The following PRR5L variants were observed in gnomAD, a reference collection of about 807,000 sequenced individuals.
PRR5L encodes proline-rich protein 5-like.
PRR5L carries 21 observed loss-of-function variants against 36.4 expected under a neutral mutation model. The ratio of observed to expected loss-of-function variants is 0.58; its 90% CI spans 0.41 to 0.83. The LOEUF is 0.83. Among genes scored for constraint, PRR5L ranks in the 40% least tolerant of loss-of-function variants. PRR5L has a pLI of 0.00. For missense variants in PRR5L, 381 were observed against 473.3 expected, an observed-to-expected ratio of 0.80 and a Z score of 1.81; for synonymous variants, 188 against 197.0, an observed-to-expected ratio of 0.95 and a Z score of 0.38.
intron 1 of PRR5L, chr11:36,393,747 A>G (rs1359663296): frequency 6.6e-6 from 1 of 152,218 alleles, no homozygotes; most frequent in African/African-American, 2.4e-5. Flanking sequence ...ATTGCATTCA[A>G]TCTGTAGACT....
intron 1 of PRR5L, among the ~76,000 whole-genome samples, chr11:36,334,234 T>C (rs1464534482): frequency 6.6e-6 from 1 of 152,210 alleles, no homozygotes; most frequent in Non-Finnish European, 1.5e-5. Flanking sequence ...GGAAATTTCA[T>C]GACTGTGGGA....
chr11:36,401,412 GA>G (rs1857793692), intron 2 of PRR5L, 127 bp downstream of exon 2: 4 of 909,156 alleles, frequency 4.4e-6, no homozygotes, highest in Non-Finnish European at 6.5e-6. Flanking sequence ...AAATAATGAC[GA>G]GAGCAAATTT....
At chr11:36,309,911 G>C (rs964558208) in intron 1 of PRR5L, among the ~76,000 whole-genome samples, 2 of 7,592 alleles carry the variant, frequency 2.6e-4, no homozygotes, top group Non-Finnish European at 1.0e-3. Flanking sequence ...TATCCCGTTA[G>C]TTATGTGGCA....
Position 36,350,944 on chromosome 11 carries a change from A to ATTTATATATT in PRR5L, c.-125-50052_-125-50051insTTATATATTT, listed in dbSNP as rs1407155161. Among the ~76,000 whole-genome samples, 32 of 57,142 alleles carry ATTTATATATT rather than the reference A, an allele frequency of 5.6e-4. 4 individuals are homozygous for ATTTATATATT. Among genetic ancestry groups the ATTTATATATT allele is most frequent in the South Asian group, 8.7e-4 (2 of 2,292 alleles). 37.5% of individuals were successfully genotyped at this position (57,142 alleles called of 152,430 possible). The stretch of plus-strand genomic sequence containing the variant: ...TTTATATATATTTATATATTTATAT[A>ATTTATATATT]TATATATTTATATATATTTATATAT... On this transcript the variant is annotated intron_variant, in intron 1 of 8. Coordinates refer to ENST00000530639, the MANE Select transcript of PRR5L (RefSeq NM_001160167.2).
At chr11:36,424,498 C>T (rs747582361) in intron 4 of PRR5L, among the ~76,000 whole-genome samples, 11 of 152,094 alleles carry the variant, frequency 7.2e-5, no homozygotes, top group Non-Finnish European at 1.0e-4. Context: ...CTGGAAACAA[C>T]GTGGTATTAA....
chr11:36,315,773 G>A (rs1174264353), intron 1 of PRR5L, among the ~76,000 whole-genome samples: 1 of 152,222 alleles, frequency 6.6e-6, no homozygotes, highest in Admixed American at 6.5e-5. Context: ...AATTTAATGT[G>A]ATGTTGTAAA....
chr11:36,366,981 C>T (rs1035226103), intron 1 of PRR5L, among the ~76,000 whole-genome samples: 10 of 152,224 alleles, frequency 6.6e-5, no homozygotes, highest in South Asian at 4.1e-4. Flanking sequence ...TTATTCCATT[C>T]GCCTTTCTAT....
intron 1 of PRR5L, among the ~76,000 whole-genome samples, chr11:36,386,066 TGGAA>T (rs1857451405): frequency 6.6e-6 from 1 of 152,174 alleles, no homozygotes; most frequent in African/African-American, 2.4e-5. Context: ...GAGGCCGCAA[TGGAA>T]GGATCACTTG....
chr11:36,370,174 C>G (rs1416277473), intron 1 of PRR5L, among the ~76,000 whole-genome samples: 1 of 152,160 alleles, frequency 6.6e-6, no homozygotes, highest in Non-Finnish European at 1.5e-5. Context: ...GGCTTGCTTT[C>G]TCCTTCTAAC....
At chr11:36,375,065 T>C (rs1476496224) in intron 1 of PRR5L, among the ~76,000 whole-genome samples, 2 of 152,050 alleles carry the variant, frequency 1.3e-5, no homozygotes, top group Non-Finnish European at 2.9e-5. Flanking sequence ...TGAAACCCTA[T>C]CTCTACTAAA....
At chr11:36,321,137 C>A (rs1461458182) in intron 1 of PRR5L, 1 of 152,122 alleles carries the variant, frequency 6.6e-6, no homozygotes, top group Non-Finnish European at 1.5e-5. Context: ...TAGTAGGATG[C>A]ATTCAGTTAT....
intron 1 of PRR5L, among the ~76,000 whole-genome samples, chr11:36,352,314 T>C (rs1312348247): frequency 2.6e-5 from 4 of 151,960 alleles, no homozygotes; most frequent in African/African-American, 9.7e-5. Flanking sequence ...GCTAATTTGT[T>C]TGAGTTCCTT....
At chr11:36,362,162 C>T (rs77150824) in intron 1 of PRR5L, 2 of 150,732 alleles carry the variant, frequency 1.3e-5, no homozygotes, top group Admixed American at 1.3e-4. Flanking sequence ...GTCCTGAAAA[C>T]AGAACTTGCT....
chr11:36,384,095 C>A (rs568523669), intron 1 of PRR5L, among the ~76,000 whole-genome samples: 2 of 152,200 alleles, frequency 1.3e-5, no homozygotes, highest in Non-Finnish European at 2.9e-5. Flanking sequence ...TTTCATCCTA[C>A]ACCTGGTCTT....
At chr11:36,374,646 AG>A (rs1223683055) in intron 1 of PRR5L, among the ~76,000 whole-genome samples, 2 of 152,176 alleles carry the variant, frequency 1.3e-5, no homozygotes, top group Admixed American at 1.3e-4. Context: ...CCCAGGCCCT[AG>A]GGATAATGAT....
intron 4 of PRR5L, among the ~76,000 whole-genome samples, chr11:36,426,886 G>T (rs1365583204): frequency 4.6e-5 from 7 of 152,184 alleles, no homozygotes; most frequent in African/African-American, 1.7e-4. Flanking sequence ...CTGGGAAGAT[G>T]GGGTTCTCCC....
At chr11:36,373,074 A>G (rs1857213987) in intron 1 of PRR5L, among the ~76,000 whole-genome samples, 1 of 151,880 alleles carries the variant, frequency 6.6e-6, no homozygotes, top group South Asian at 2.1e-4. Flanking sequence ...TCACAGCACA[A>G]ATCTATGGAT....
intron 1 of PRR5L, among the ~76,000 whole-genome samples, chr11:36,316,734 C>A (rs1463173806): frequency 6.6e-6 from 1 of 152,130 alleles, no homozygotes; most frequent in African/African-American, 2.4e-5. Context: ...AAGGGTCAGA[C>A]TCTTGCATCC....
At chr11:36,364,888 C>T (rs913776387) in intron 1 of PRR5L, among the ~76,000 whole-genome samples, 8 of 152,176 alleles carry the variant, frequency 5.3e-5, no homozygotes, top group Non-Finnish European at 1.0e-4. Context: ...TCCCTCCCTC[C>T]GTTCCTTTCT....
Sources: allele counts gnomAD v4.1 joint callset (sites outside exome capture counted in the v4.1 genomes callset), GRCh38; gene constraint gnomAD v4.1.1; transcripts MANE v1.5; gene names NCBI Gene and HGNC (gene_info 2026-07-23, HGNC 2026-07-21).